The following CACNG3 variants were observed in gnomAD, a reference collection of about 807,000 sequenced individuals.
CACNG3 encodes the protein calcium voltage-gated channel auxiliary subunit gamma 3.
Under a neutral mutation model 28.5 loss-of-function variants are expected in CACNG3, and 3 were observed. That is an observed-to-expected ratio of 0.11 (90% confidence interval 0.05 to 0.27). The LOEUF (loss-of-function observed/expected upper bound fraction) is 0.27, where lower values mean the gene tolerates loss of function less well. Among genes scored for constraint, CACNG3 ranks in the 10% least tolerant of loss-of-function variants. The pLI is 1.00. For missense variants in CACNG3, 236 were observed against 414.4 expected (o/e 0.57, Z 3.74); for synonymous variants, 174 against 162.2 (o/e 1.07, Z -0.55).
chr16:24,294,264 T>C (rs1899001697), intron 1 of CACNG3, among the ~76,000 whole-genome samples: 1 of 152,204 alleles, frequency 6.6e-6, no homozygotes, highest in African/African-American at 2.4e-5. Context: ...CAGTTTCCCC[T>C]TGGCTTGGGA....
In CACNG3 at chr16:24,306,257, T is replaced by A. The variant is rs78529043; in HGVS notation, c.212-40477T>A. 4.2e-3 allele frequency among the ~76,000 whole-genome samples: 645 copies of A among 152,358 alleles called. 5 individuals carry two copies. Among genetic ancestry groups the A allele is most frequent in the Middle Eastern group, 0.017 (5 of 294 alleles). On this transcript the variant is annotated intron_variant, in intron 1 of 3. Transcript: ENST00000005284. ...TGACTGCAGCTTATATTTAGCCCGT[T>A]GGAAGCTCAGGGTTTCTATTCTTCC...
intron 3 of CACNG3, among the ~76,000 whole-genome samples, chr16:24,356,801 C>T (rs1350646413): frequency 3.9e-5 from 6 of 152,080 alleles, no homozygotes; most frequent in South Asian, 4.1e-4. Context: ...AAGACATACC[C>T]GAGACTCAGT....
At chr16:24,293,669 G>T (rs2141356536) in intron 1 of CACNG3, among the ~76,000 whole-genome samples, 1 of 152,216 alleles carries the variant, frequency 6.6e-6, no homozygotes, top group South Asian at 2.1e-4. Flanking sequence ...AGATATTTGG[G>T]ATGCCTTCTA....
intron 1 of CACNG3, among the ~76,000 whole-genome samples, chr16:24,286,483 A>T (rs535581565): frequency 1.9e-4 from 29 of 152,114 alleles, no homozygotes; most frequent in African/African-American, 6.5e-4. Flanking sequence ...CTTTGAAAGG[A>T]GATCCCCTAG....
rs140890083 is a variant in CACNG3 at position 24,256,531 on chromosome 16, C to T, written c.-224C>T. ...AAGGCAGCAGTGATGCGGACCAACCCCCCGGAGCCTGCACCCTTCCGAGGG... is the reference window on the plus strand; with the variant it reads ...AAGGCAGCAGTGATGCGGACCAACCTCCCGGAGCCTGCACCCTTCCGAGGG... On this transcript the variant is annotated 5_prime_UTR_variant, in exon 1 of 4. Coordinates refer to ENST00000005284, the MANE Select transcript of CACNG3 (RefSeq NM_006539.4). The surrounding 1 kb of genome is among the most constrained non-coding windows in gnomAD (Gnocchi z 4.6). 3,375 of 554,450 alleles carry T rather than the reference C, an allele frequency of 6.1e-3. 13 individuals carry two copies. The highest frequency in any genetic ancestry group is 8.4e-3 in the Non-Finnish European group (2,594 of 309,760). 34.3% of individuals were successfully genotyped at this position (554,450 alleles called of 1,614,324 possible).
intron 1 of CACNG3, among the ~76,000 whole-genome samples, chr16:24,344,163 G>A (rs937551506): frequency 1.1e-4 from 17 of 152,328 alleles, no homozygotes; most frequent in African/African-American, 4.1e-4. Flanking sequence ...CAGGCGCAGT[G>A]GCTCACATCT....
rs1898479694 is a variant in CACNG3 at position 24,257,422 on chromosome 16, A to AGG, written c.211+458_211+459insGG. On this transcript the variant is annotated intron_variant, in intron 1 of 3. Coordinates refer to ENST00000005284, the MANE Select transcript of CACNG3 (RefSeq NM_006539.4). ...GAGAGAGAGAGAGAGAGAGAGAGAG[A>AGG]GAGAGATCCTGACCCGGTCTGGCAC... Among the ~76,000 whole-genome samples, 3 of 124,568 alleles carry AGG rather than the reference A, an allele frequency of 2.4e-5. No individual in the cohort carries two copies. The East Asian group carries it at 7.7e-4, about 32-fold the overall frequency. The allele number at this position is 124,568 out of a possible 152,430, so 81.7% of individuals were successfully genotyped here.
intron 1 of CACNG3, among the ~76,000 whole-genome samples, chr16:24,281,904 A>G (rs1315942161): frequency 6.6e-6 from 1 of 152,216 alleles, no homozygotes; most frequent in Admixed American, 6.5e-5. Context: ...CCAGTAAATA[A>G]CAAAACCAAG....
intron 1 of CACNG3, among the ~76,000 whole-genome samples, chr16:24,293,566 C>G (rs1898992842): frequency 6.6e-6 from 1 of 152,134 alleles, no homozygotes; most frequent in African/African-American, 2.4e-5. Context: ...ATCTAAGAAA[C>G]TATGTCAGAA....
chr16:24,277,216 G>A (rs777988293), intron 1 of CACNG3, among the ~76,000 whole-genome samples: 6 of 152,182 alleles, frequency 3.9e-5, no homozygotes, highest in Admixed American at 6.5e-5. Flanking sequence ...ACTGACTCCA[G>A]CCTAGCAGGA....
intron 1 of CACNG3, among the ~76,000 whole-genome samples, chr16:24,309,670 G>A (rs537955991): frequency 6.6e-6 from 1 of 152,214 alleles, no homozygotes. Context: ...CCACAAAGCA[G>A]TAAGAATAAT....
At chr16:24,358,037 G>A (rs868416583) in intron 3 of CACNG3, among the ~76,000 whole-genome samples, 1 of 152,154 alleles carries the variant, frequency 6.6e-6, no homozygotes, top group African/African-American at 2.4e-5. Context: ...CAAAGAACCC[G>A]AAGATCTTGT....
intron 1 of CACNG3, among the ~76,000 whole-genome samples, chr16:24,273,182 AC>A (rs1429295611): frequency 6.6e-6 from 1 of 152,218 alleles, no homozygotes; most frequent in Admixed American, 6.5e-5. Context: ...CGTCAGAGAT[AC>A]TGCTGTCTCC....
intron 1 of CACNG3, among the ~76,000 whole-genome samples, chr16:24,313,066 A>T (rs1272051648): frequency 7.2e-6 from 1 of 138,712 alleles, no homozygotes; most frequent in Non-Finnish European, 1.6e-5. Flanking sequence ...AGAGAAAGCG[A>T]GGGAGGGAGG....
intron 1 of CACNG3, among the ~76,000 whole-genome samples, chr16:24,291,398 G>T (rs779551179): frequency 2.0e-5 from 3 of 152,068 alleles, no homozygotes; most frequent in Admixed American, 6.5e-5. Flanking sequence ...AAGACTGTGC[G>T]GTCCAACAAA....
chr16:24,307,236 C>T (rs2141362788), intron 1 of CACNG3, among the ~76,000 whole-genome samples: 1 of 152,282 alleles, frequency 6.6e-6, no homozygotes, highest in South Asian at 2.1e-4. Context: ...ATTCTCCTGC[C>T]TCAGCCTCCC....
intron 1 of CACNG3, among the ~76,000 whole-genome samples, chr16:24,302,149 C>A (rs1339928766): frequency 6.6e-6 from 1 of 152,220 alleles, no homozygotes; most frequent in Admixed American, 6.5e-5. Context: ...TTCCTCATCA[C>A]TTGTCATCCG....
chr16:24,302,999 G>T (rs930952911), intron 1 of CACNG3, among the ~76,000 whole-genome samples: 3 of 151,928 alleles, frequency 2.0e-5, no homozygotes, highest in Admixed American at 6.6e-5. Flanking sequence ...TTGCCGTGTT[G>T]CCCAGGCTGG....
intron 1 of CACNG3, among the ~76,000 whole-genome samples, chr16:24,317,696 GAAAGAAAGA>G (rs1253364947): frequency 1.8e-5 from 2 of 108,574 alleles, no homozygotes; most frequent in Admixed American, 9.0e-5. Flanking sequence ...AAGAAAGAAA[GAAAGAAAGA>G]AAGAAAGAAA....
Sources: allele counts gnomAD v4.1 joint callset (sites outside exome capture counted in the v4.1 genomes callset), GRCh38; gene constraint gnomAD v4.1.1; non-coding constraint Gnocchi (gnomAD v3.1); transcripts MANE v1.5; gene names NCBI Gene and HGNC (gene_info 2026-07-23, HGNC 2026-07-21).